Variants in MAP4 observed in about 807,000 individuals in gnomAD.
MAP4 encodes the protein microtubule-associated protein 4.
Under a neutral mutation model 170.2 loss-of-function variants are expected in MAP4, and 76 were observed. The ratio of observed to expected loss-of-function variants is 0.45; its 90% confidence interval spans 0.37 to 0.54. MAP4 has a LOEUF of 0.54. Among genes scored for constraint, MAP4 ranks in the 20% least tolerant of loss-of-function variants. The probability of loss-of-function intolerance (pLI) is 0.00; values close to 1 mark genes in which losing one functional copy is unlikely to be tolerated. For missense variants in MAP4, 2,506 were observed against 2,748.0 expected, an observed-to-expected ratio of 0.91 and a Z score of 1.97; for synonymous variants, 909 against 994.5, an observed-to-expected ratio of 0.91 and a Z score of 1.62.
chr3:47,881,731 G>A (rs1264059436), intron 10 of MAP4, among the ~76,000 whole-genome samples: 1 of 150,914 alleles, frequency 6.6e-6, no homozygotes, highest in African/African-American at 2.4e-5. Flanking sequence ...CTCAGCTCCT[G>A]AATAGCTAGG....
intron 3 of MAP4, among the ~76,000 whole-genome samples, chr3:47,956,323 G>A (rs2100067810): frequency 1.4e-5 from 2 of 141,040 alleles, no homozygotes; most frequent in African/African-American, 5.0e-5. Flanking sequence ...GCTGACTGGG[G>A]AAAGAAAAAA....
At chr3:48,050,156 A>G (rs1203529751) in intron 1 of MAP4, among the ~76,000 whole-genome samples, 1 of 150,964 alleles carries the variant, frequency 6.6e-6, no homozygotes, top group Admixed American at 6.6e-5. Context: ...GCTACTCGGG[A>G]GGTTGAGGCA....
intron 3 of MAP4, among the ~76,000 whole-genome samples, chr3:47,939,755 T>C (rs2100055143): frequency 6.6e-6 from 1 of 151,896 alleles, no homozygotes; most frequent in African/African-American, 2.4e-5. Flanking sequence ...AAAAAATAAG[T>C]TTTTAATCAG....
intron 1 of MAP4, among the ~76,000 whole-genome samples, chr3:48,025,593 CAAG>C (rs1234135774): frequency 2.0e-5 from 3 of 151,704 alleles, no homozygotes; most frequent in South Asian, 4.2e-4. Flanking sequence ...CATCTTTTTA[CAAG>C]AAGAAATAAT....
At chr3:48,051,716 G>A (rs2100127998) in intron 1 of MAP4, among the ~76,000 whole-genome samples, 1 of 152,062 alleles carries the variant, frequency 6.6e-6, no homozygotes, top group Admixed American at 6.6e-5. Context: ...TACATCCCAG[G>A]CTCTAGACTA....
intron 3 of MAP4, among the ~76,000 whole-genome samples, chr3:47,959,802 A>AT (rs1250075045): frequency 6.6e-6 from 1 of 151,918 alleles, no homozygotes; most frequent in African/African-American, 2.4e-5. Flanking sequence ...ACATTTTGCT[A>AT]TATCATGAAA....
chr3:47,912,652 T>C (rs775166335), intron 8 of MAP4, among the ~76,000 whole-genome samples: 14 of 152,194 alleles, frequency 9.2e-5, no homozygotes, highest in Admixed American at 5.2e-4. Flanking sequence ...CAGGTAAAGA[T>C]TGTTTTCAAA....
At chr3:48,031,482 C>T (rs762736745) in intron 1 of MAP4, among the ~76,000 whole-genome samples, 11 of 152,188 alleles carry the variant, frequency 7.2e-5, no homozygotes, top group South Asian at 4.1e-4. Flanking sequence ...ACCCAGGAGA[C>T]GGAAGTTACA....
chr3:48,019,920 A>T (rs1411475135), upstream of MAP4, among the ~76,000 whole-genome samples: 2 of 152,236 alleles, frequency 1.3e-5, no homozygotes, highest in African/African-American at 4.8e-5. Context: ...CATTAAGCAA[A>T]GTGAAGTTTC....
At chr3:47,857,225 C>T (rs1197986300) in intron 18 of MAP4, among the ~76,000 whole-genome samples, 1 of 152,232 alleles carries the variant, frequency 6.6e-6, no homozygotes, top group Non-Finnish European at 1.5e-5. Context: ...CAGATGGCTG[C>T]TGTAAGAAAC....
chr3:47,940,630 G>A (rs564494595), intron 3 of MAP4, among the ~76,000 whole-genome samples: 2 of 152,172 alleles, frequency 1.3e-5, no homozygotes, highest in Non-Finnish European at 2.9e-5. Context: ...AACACTTAAA[G>A]TACTAATTAA....
At chr3:48,000,017 C>G (rs2100098246) in intron 1 of MAP4, among the ~76,000 whole-genome samples, 1 of 151,694 alleles carries the variant, frequency 6.6e-6, no homozygotes, top group Admixed American at 6.6e-5. Flanking sequence ...GAGTTCAAGA[C>G]CAGCCTGGCC....
At chr3:47,866,304 G>A (rs558812344) in intron 17 of MAP4, among the ~76,000 whole-genome samples, 5 of 148,110 alleles carry the variant, frequency 3.4e-5, no homozygotes, top group Admixed American at 2.7e-4. Flanking sequence ...ACCACTGCAC[G>A]CCAGCCTGGG....
At position 48,051,411 on chromosome 3, in the gene MAP4, AAC is replaced by A. The variant is rs557775638; in HGVS notation, c.-20+37360_-20+37361del. 1.2e-3 allele frequency among the ~76,000 whole-genome samples: 185 copies of A among 152,164 alleles called. 1 individual carries two copies. Among genetic ancestry groups the A allele is most frequent in the Non-Finnish European group, 1.9e-3 (126 of 67,996 alleles). On this transcript the variant is annotated intron_variant, in intron 1 of 18. Coordinates refer to the MAP4 transcript ENST00000360240. The stretch of plus-strand genomic sequence containing the variant: ...AAACAAAAGAAAATTTAAAAAATTA[AAC>A]ACACACACTCAGACCCACATATCCT...
chr3:47,974,825 AT>A (rs1354097746), intron 3 of MAP4: 1 of 970,074 alleles, frequency 1.0e-6, no homozygotes, highest in African/African-American at 1.8e-5. Context: ...TTGGAAAAAT[AT>A]TCTAGGATTA....
Position 48,054,270 on chromosome 3 carries a change from C to T in MAP4, c.-20+34503G>A, listed in dbSNP as rs545537261. ...CCGAGATCGCGCCATTGCACTCCAGCCTGGCGAGAGAGCAAGACTCTACCT... is the reference window on the plus strand; with the variant it reads ...CCGAGATCGCGCCATTGCACTCCAGTCTGGCGAGAGAGCAAGACTCTACCT... On this transcript the variant is annotated intron_variant, in intron 1 of 18. Coordinates refer to the MAP4 transcript ENST00000360240. Among the ~76,000 whole-genome samples, 27 of 151,792 alleles carry T rather than the reference C, an allele frequency of 1.8e-4. No homozygotes were observed. The South Asian group carries it at 5.6e-3, about 32-fold the overall frequency.
intron 1 of MAP4, among the ~76,000 whole-genome samples, chr3:48,030,165 G>A (rs546193665): frequency 1.3e-5 from 2 of 150,828 alleles, no homozygotes; most frequent in South Asian, 4.2e-4. Context: ...GAGGTGGGAG[G>A]ATCATCTAAG....
chr3:47,936,957 G>A (rs1198105491), intron 3 of MAP4, among the ~76,000 whole-genome samples: 1 of 148,522 alleles, frequency 6.7e-6, no homozygotes, highest in African/African-American at 2.5e-5. Context: ...TCCGGCTTGG[G>A]TGACAAGAGC....
At chr3:48,029,167 G>A (rs909557935) in intron 1 of MAP4, among the ~76,000 whole-genome samples, 5 of 151,824 alleles carry the variant, frequency 3.3e-5, no homozygotes, top group Non-Finnish European at 7.4e-5. Flanking sequence ...GCCAGGTGGG[G>A]TGGCTCACAC....
Sources: allele counts gnomAD v4.1 joint callset (sites outside exome capture counted in the v4.1 genomes callset), GRCh38; gene constraint gnomAD v4.1.1; transcripts MANE v1.5; gene names NCBI Gene and HGNC (gene_info 2026-07-23, HGNC 2026-07-21).